The following PPM1E variants were observed in gnomAD, a reference collection of about 807,000 sequenced individuals.
PPM1E encodes the protein protein phosphatase, Mg2+/Mn2+ dependent 1E, also known as protein phosphatase 1E.
PPM1E carries 20 observed loss-of-function variants against 65.9 expected under a neutral mutation model. The ratio of observed to expected loss-of-function variants is 0.30; its 90% CI spans 0.21 to 0.44. PPM1E has a LOEUF of 0.44. Ranked by LOEUF, PPM1E falls within the 20% of genes least tolerant of loss-of-function variation. The pLI is 1.00. For synonymous variants in PPM1E, 352 were observed against 374.9 expected (o/e 0.94, Z 0.70); for missense variants, 713 against 953.1 (o/e 0.75, Z 3.32).
At chr17:58,777,558 CTG>C (rs1007365020) in intron 1 of PPM1E, among the ~76,000 whole-genome samples, 1 of 152,074 alleles carries the variant, frequency 6.6e-6, no homozygotes, top group African/African-American at 2.4e-5. Context: ...AAAATGTAAA[CTG>C]AAGATTTGAT....
intron 1 of PPM1E, among the ~76,000 whole-genome samples, chr17:58,898,563 A>C (rs1179417228): frequency 6.6e-6 from 1 of 152,202 alleles, no homozygotes; most frequent in African/African-American, 2.4e-5. Flanking sequence ...TGTTGGTGGG[A>C]GTGTAAACTA....
At chr17:58,852,678 A>G (rs985440785) in intron 1 of PPM1E, among the ~76,000 whole-genome samples, 1 of 148,922 alleles carries the variant, frequency 6.7e-6, no homozygotes, top group African/African-American at 2.5e-5. Context: ...ATCTCGGCTC[A>G]CTGCAACTTC....
chr17:58,813,289 T>C (rs562820147), intron 1 of PPM1E, among the ~76,000 whole-genome samples: 1 of 152,336 alleles, frequency 6.6e-6, no homozygotes, highest in African/African-American at 2.4e-5. Flanking sequence ...GGGATCTTTT[T>C]AGCCTCTTTC....
intron 1 of PPM1E, among the ~76,000 whole-genome samples, chr17:58,819,835 G>A (rs2050462245): frequency 6.6e-6 from 1 of 151,974 alleles, no homozygotes; most frequent in Admixed American, 6.6e-5. Context: ...TCAGGAGTTT[G>A]AGACCAGCCT....
chr17:58,812,539 T>C lies in PPM1E; in HGVS notation c.464+56078T>C, dbSNP rs557148349. Among the ~76,000 whole-genome samples, 4 of 152,128 alleles carry C rather than the reference T, an allele frequency of 2.6e-5. No homozygotes were observed. The South Asian group carries it at 8.3e-4, about 32-fold the overall frequency. The stretch of plus-strand genomic sequence containing the variant: ...GAGGGATATATTTTTGTTTTAACCA[T>C]GAATAGCACACACTGTTTTATTTTA... On this transcript the variant is annotated intron_variant, in intron 1 of 6. Coordinates refer to ENST00000308249, the MANE Select transcript of PPM1E (RefSeq NM_014906.5).
intron 1 of PPM1E, among the ~76,000 whole-genome samples, chr17:58,868,712 C>T (rs1233688423): frequency 6.6e-6 from 1 of 151,968 alleles, no homozygotes; most frequent in Non-Finnish European, 1.5e-5. Flanking sequence ...CCCTGTTTAA[C>T]TTCTCTTTCC....
chr17:58,797,457 A>G (rs1320326319), intron 1 of PPM1E, among the ~76,000 whole-genome samples: 2 of 152,180 alleles, frequency 1.3e-5, no homozygotes, highest in Non-Finnish European at 2.9e-5. Context: ...TCCCATGTAA[A>G]CAGAAGCATA....
intron 1 of PPM1E, among the ~76,000 whole-genome samples, chr17:58,914,741 G>A (rs1264008245): frequency 6.6e-6 from 1 of 152,138 alleles, no homozygotes; most frequent in Non-Finnish European, 1.5e-5. Flanking sequence ...TTGATGTAGA[G>A]ATAACATGTG....
chr17:58,805,578 C>A (rs1169900528), intron 1 of PPM1E, among the ~76,000 whole-genome samples: 1 of 151,982 alleles, frequency 6.6e-6, no homozygotes, highest in Non-Finnish European at 1.5e-5. Flanking sequence ...TCCCTCACCC[C>A]CTATTATTAC....
At chr17:58,843,439 G>A (rs2050740464) in intron 1 of PPM1E, among the ~76,000 whole-genome samples, 1 of 152,054 alleles carries the variant, frequency 6.6e-6, no homozygotes, top group African/African-American at 2.4e-5. Flanking sequence ...AGAATTGCTT[G>A]AACCCGGGAG....
At chr17:58,787,137 T>A (rs1017172181) in intron 1 of PPM1E, among the ~76,000 whole-genome samples, 2 of 152,242 alleles carry the variant, frequency 1.3e-5, no homozygotes, top group Non-Finnish European at 2.9e-5. Context: ...ACTCAAATTC[T>A]ATTAGATAAG....
At chr17:58,784,051 C>A (rs1178030094) in intron 1 of PPM1E, among the ~76,000 whole-genome samples, 3 of 151,650 alleles carry the variant, frequency 2.0e-5, no homozygotes, top group African/African-American at 7.3e-5. Context: ...GAGACAGAGT[C>A]TCACTCTGTT....
At chr17:58,763,706 G>A (rs1484626559) in intron 1 of PPM1E, among the ~76,000 whole-genome samples, 1 of 152,120 alleles carries the variant, frequency 6.6e-6, no homozygotes, top group Non-Finnish European at 1.5e-5. Context: ...TGTATGAGGA[G>A]TCTGATTTCT....
Position 58,982,127 on chromosome 17 carries a change from T to C in PPM1E, c.*1096T>C, listed in dbSNP as rs541228388. 1 of 152,772 alleles carries C rather than the reference T, an allele frequency of 6.5e-6. No individual in the cohort carries two copies. The highest frequency in any genetic ancestry group is 1.9e-4 in the East Asian group (1 of 5,180). 9.5% of individuals were successfully genotyped at this position (152,772 alleles called of 1,614,324 possible). On this transcript the variant is annotated 3_prime_UTR_variant, in exon 7 of 7. Transcript: ENST00000308249. ...GCCCAGAGGCCACTGAGAATGCAGATTACTGACAGCCAGGTCTGTTTAGTT... is the reference window on the plus strand; with the variant it reads ...GCCCAGAGGCCACTGAGAATGCAGACTACTGACAGCCAGGTCTGTTTAGTT...
At chr17:58,816,025 C>CTT (rs200564128) in intron 1 of PPM1E, among the ~76,000 whole-genome samples, 1 of 150,852 alleles carries the variant, frequency 6.6e-6, no homozygotes, top group African/African-American at 2.4e-5. Context: ...TATAATATTT[C>CTT]TTTTTTTTTG....
At chr17:58,894,065 C>A (rs538780729) in intron 1 of PPM1E, among the ~76,000 whole-genome samples, 3 of 151,746 alleles carry the variant, frequency 2.0e-5, no homozygotes, top group African/African-American at 7.3e-5. Context: ...AGATCAAGAC[C>A]CTGTCTCAAA....
At chr17:58,899,957 G>T (rs2051477910) in intron 1 of PPM1E, among the ~76,000 whole-genome samples, 1 of 151,892 alleles carries the variant, frequency 6.6e-6, no homozygotes, top group Non-Finnish European at 1.5e-5. Context: ...CTACACAGGA[G>T]GCTGAGGTAG....
At chr17:58,803,107 C>T (rs1342101040) in intron 1 of PPM1E, among the ~76,000 whole-genome samples, 1 of 151,982 alleles carries the variant, frequency 6.6e-6, no homozygotes, top group African/African-American at 2.4e-5. Flanking sequence ...TAGTTTTGTA[C>T]TATGTTGAGT....
At chr17:58,799,928 C>T (rs2143047226) in intron 1 of PPM1E, among the ~76,000 whole-genome samples, 1 of 152,290 alleles carries the variant, frequency 6.6e-6, no homozygotes, top group South Asian at 2.1e-4. Flanking sequence ...AACCTTGTTT[C>T]TCCAAATTGC....
Sources: allele counts gnomAD v4.1 joint callset (sites outside exome capture counted in the v4.1 genomes callset), GRCh38; gene constraint gnomAD v4.1.1; transcripts MANE v1.5; gene names NCBI Gene and HGNC (gene_info 2026-07-23, HGNC 2026-07-21).